The following LIMS1 variants were observed in gnomAD, a reference collection of about 807,000 sequenced individuals.
LIMS1 encodes the protein LIM zinc finger domain containing 1.
Under a neutral mutation model 44.1 loss-of-function variants are expected in LIMS1, and 18 were observed. The ratio of observed to expected loss-of-function variants is 0.41; its 90% CI spans 0.28 to 0.61. The LOEUF (loss-of-function observed/expected upper bound fraction) is 0.61, where lower values mean the gene tolerates loss of function less well. LIMS1 is among the 20% of genes least tolerant of loss of function. LIMS1 has a pLI of 0.32. For synonymous variants in LIMS1, 93 were observed against 149.1 expected (o/e 0.62, Z 2.74); for missense variants, 201 against 422.0 (o/e 0.48, Z 4.59).
intron 2 of LIMS1, among the ~76,000 whole-genome samples, chr2:108,667,748 C>A (rs1483189088): frequency 1.3e-5 from 2 of 151,712 alleles, no homozygotes; most frequent in African/African-American, 2.4e-5. Flanking sequence ...TCCCACCTCA[C>A]CCTCAGAGCT....
intron 1 of LIMS1, among the ~76,000 whole-genome samples, chr2:108,578,450 G>A (rs1397480318): frequency 6.6e-6 from 1 of 152,058 alleles, no homozygotes; most frequent in Non-Finnish European, 1.5e-5. Context: ...TATGAAATAA[G>A]GAATATCTGC....
At chr2:108,611,872 C>CAT (rs1036681349) in intron 1 of LIMS1, among the ~76,000 whole-genome samples, 3 of 139,768 alleles carry the variant, frequency 2.1e-5, no homozygotes, top group African/African-American at 5.2e-5. Flanking sequence ...TATATATACA[C>CAT]ATATATATAA....
intron 1 of LIMS1, among the ~76,000 whole-genome samples, chr2:108,646,692 G>A (rs1690086233): frequency 1.3e-5 from 2 of 152,118 alleles, no homozygotes; most frequent in African/African-American, 4.8e-5. Flanking sequence ...TCCAGGAGCT[G>A]GGGTTTTGTT....
chr2:108,600,756 CT>C (rs1485795846), intron 1 of LIMS1, among the ~76,000 whole-genome samples: 1 of 152,150 alleles, frequency 6.6e-6, no homozygotes, highest in East Asian at 1.9e-4. Context: ...CAATACCATG[CT>C]GTTTTGGTTA....
At chr2:108,631,635 G>A (rs1006688340) in intron 1 of LIMS1, among the ~76,000 whole-genome samples, 3 of 150,854 alleles carry the variant, frequency 2.0e-5, no homozygotes, top group Non-Finnish European at 4.4e-5. Flanking sequence ...AATGGCTCCT[G>A]ATTACTACTT....
At chr2:108,649,130 T>A (rs1330372113) in intron 1 of LIMS1, among the ~76,000 whole-genome samples, 2 of 151,920 alleles carry the variant, frequency 1.3e-5, no homozygotes, top group Non-Finnish European at 2.9e-5. Flanking sequence ...CTAAAACAAA[T>A]TTACAAGAAA....
chr2:108,554,494 C>T (rs943594902), intron 1 of LIMS1, among the ~76,000 whole-genome samples: 1 of 152,144 alleles, frequency 6.6e-6, no homozygotes, highest in Non-Finnish European at 1.5e-5. Flanking sequence ...AAACTCTTAA[C>T]ATAGATGGGG....
At chr2:108,611,906 T>C (rs1313141781) in intron 1 of LIMS1, among the ~76,000 whole-genome samples, 1 of 140,580 alleles carries the variant, frequency 7.1e-6, no homozygotes, top group Non-Finnish European at 1.5e-5. Flanking sequence ...ATATATAAAA[T>C]ATACACACAT....
At chr2:108,585,873 A>G (rs1430903287) in intron 1 of LIMS1, among the ~76,000 whole-genome samples, 1 of 152,154 alleles carries the variant, frequency 6.6e-6, no homozygotes, top group Non-Finnish European at 1.5e-5. Context: ...GTTGATGAGT[A>G]AATAGGAGTT....
chr2:108,612,069 TAC>T (rs1553459874), intron 1 of LIMS1, among the ~76,000 whole-genome samples: 1 of 144,984 alleles, frequency 6.9e-6, no homozygotes, highest in Non-Finnish European at 1.5e-5. Flanking sequence ...TATATATATA[TAC>T]ATATATATAT....
intron 1 of LIMS1, among the ~76,000 whole-genome samples, chr2:108,627,049 A>G (rs1474758683): frequency 2.6e-5 from 4 of 152,230 alleles, no homozygotes; most frequent in Non-Finnish European, 2.9e-5. Flanking sequence ...GCTATTTTAT[A>G]TATACACTTA....
chr2:108,684,839 T>A (rs917490762), exon 10 of LIMS1: 3 of 152,152 alleles, frequency 2.0e-5, no homozygotes, highest in Non-Finnish European at 4.4e-5. Context: ...TAGCTTGGAA[T>A]ATATTGCTTC....
intron 1 of LIMS1, among the ~76,000 whole-genome samples, chr2:108,543,413 C>T (rs1223189180): frequency 6.6e-6 from 1 of 152,186 alleles, no homozygotes; most frequent in Non-Finnish European, 1.5e-5. Context: ...CAAGTCAGTG[C>T]CCTTATCAAA....
At chr2:108,683,966 T>G (rs1693177907) in exon 10 of LIMS1, 1 of 1,596,974 alleles carries the variant, frequency 6.3e-7, no homozygotes, top group East Asian at 2.3e-5. Flanking sequence ...AGAAAAGACT[T>G]AAGAAACTAG....
intron 1 of LIMS1, among the ~76,000 whole-genome samples, chr2:108,602,382 C>T (rs1275278474): frequency 6.6e-6 from 1 of 152,190 alleles, no homozygotes; most frequent in East Asian, 1.9e-4. Flanking sequence ...GATTTTAGAG[C>T]AAAGGCTTTC....
rs186409618 is a variant in LIMS1, at chr2:108,651,264, G to A, written c.33-8341G>A. Among the ~76,000 whole-genome samples, 211 of 152,278 alleles carry A rather than the reference G, an allele frequency of 1.4e-3. 1 individual carries two copies. In the Middle Eastern group the frequency reaches 0.017, roughly 12 times the overall value. The stretch of plus-strand genomic sequence containing the variant: ...TTCTTTGCCTTGTATTATTTATGCT[G>A]AGAATCAACTGGTTGGGTCATCAGT... On this transcript the variant is annotated intron_variant, in intron 1 of 9. Coordinates refer to ENST00000544547, the Ensembl canonical transcript of LIMS1.
At chr2:108,613,573 C>T (rs756925604) in intron 1 of LIMS1, among the ~76,000 whole-genome samples, 30 of 152,252 alleles carry the variant, frequency 2.0e-4, no homozygotes, top group South Asian at 6.2e-4. Flanking sequence ...AAGCTGCTGT[C>T]TGTTCCATGG....
At chr2:108,646,545 A>G (rs1323448222) in intron 1 of LIMS1, among the ~76,000 whole-genome samples, 1 of 152,234 alleles carries the variant, frequency 6.6e-6, no homozygotes, top group Admixed American at 6.5e-5. Flanking sequence ...TCTAAAATCG[A>G]CACCCTAACA....
At chr2:108,556,131 T>C (rs7604136) in intron 1 of LIMS1, among the ~76,000 whole-genome samples, 6,907 of 152,256 alleles carry the variant, frequency 0.045, 293 homozygotes, top group South Asian at 0.14. Context: ...TAGTAACTTC[T>C]GTTCTACTTT....
Sources: allele counts gnomAD v4.1 joint callset (sites outside exome capture counted in the v4.1 genomes callset), GRCh38; gene constraint gnomAD v4.1.1; transcripts MANE v1.5; gene names NCBI Gene and HGNC (gene_info 2026-07-23, HGNC 2026-07-21).